The following ABCD3 variants were observed in gnomAD, a reference collection of about 807,000 sequenced individuals.
ABCD3 encodes ATP binding cassette subfamily D member 3, also known as ATP-binding cassette sub-family D member 3.
A neutral mutation model predicts 105.5 loss-of-function variants in ABCD3; 41 were observed. That is an observed-to-expected ratio of 0.39 (90% CI 0.30 to 0.50). The LOEUF (loss-of-function observed/expected upper bound fraction) is 0.50. ABCD3 is among the 20% of genes least tolerant of loss of function. The pLI, the probability that ABCD3 is intolerant of heterozygous loss-of-function variation, is 0.84. For synonymous variants in ABCD3, 258 were observed against 269.0 expected, an observed-to-expected ratio of 0.96 and a Z score of 0.40; for missense variants, 622 against 806.3, an observed-to-expected ratio of 0.77 and a Z score of 2.77.
intron 13 of ABCD3, among the ~76,000 whole-genome samples, chr1:94,488,900 C>T (rs995551590): frequency 5.9e-5 from 9 of 151,532 alleles, no homozygotes; most frequent in African/African-American, 2.2e-4. Context: ...TCCCTGCCCC[C>T]CTTTCTTTCT....
At chr1:94,502,568 C>T (rs537843127) in intron 20 of ABCD3, among the ~76,000 whole-genome samples, 15 of 150,590 alleles carry the variant, frequency 1.0e-4, no homozygotes, top group South Asian at 4.2e-4. Context: ...ACAATCTCAG[C>T]TTACCGTAAT....
chr1:94,487,742 ATTTGT>A lies in ABCD3; in HGVS notation c.1017_1021del (p.Leu340SerfsTer39). 6.2e-7 allele frequency: 1 copy of A among 1,614,048 alleles called. No individual in the cohort carries two copies. Among genetic ancestry groups the A allele is most frequent in the Non-Finnish European group, 8.5e-7 (1 of 1,179,960 alleles). On this transcript the variant is annotated frameshift_variant, in exon 12 of 23. Coordinates refer to ENST00000370214, the MANE Select transcript of ABCD3 (RefSeq NM_002858.4). LOFTEE classifies it high-confidence loss of function. ...CTAGTTGTCAGTCGCCCTTTCTTAG[ATTTGT>A]CTCATCCTCGACATCTCAAGAGTAC...
intron 20 of ABCD3, among the ~76,000 whole-genome samples, chr1:94,504,969 G>T (rs1650278289): frequency 6.6e-6 from 1 of 152,108 alleles, no homozygotes; most frequent in Non-Finnish European, 1.5e-5. Context: ...TGAAAGGGAA[G>T]AGGAAAAGGG....
chr1:94,494,972 G>A (rs184942283), intron 16 of ABCD3, among the ~76,000 whole-genome samples: 4 of 152,068 alleles, frequency 2.6e-5, no homozygotes, highest in African/African-American at 4.8e-5. Flanking sequence ...TCCTGGTTAC[G>A]CAGGCGGCTG....
At chr1:94,457,635 T>G (rs552069958) in intron 1 of ABCD3, among the ~76,000 whole-genome samples, 2 of 152,252 alleles carry the variant, frequency 1.3e-5, no homozygotes, top group Admixed American at 1.3e-4. Flanking sequence ...TGTCACAGAC[T>G]TCCTGGGGCA....
intron 16 of ABCD3, among the ~76,000 whole-genome samples, chr1:94,496,379 T>C (rs1054549820): frequency 1.3e-5 from 2 of 152,148 alleles, no homozygotes; most frequent in Non-Finnish European, 1.5e-5. Flanking sequence ...TTTAGCATAA[T>C]GTTTTCAAGG....
chr1:94,502,369 A>G (rs372337937), intron 20 of ABCD3, among the ~76,000 whole-genome samples: 106 of 152,296 alleles, frequency 7.0e-4, no homozygotes, highest in African/African-American at 2.1e-3. Context: ...TATTATTTCA[A>G]TTAAATGACA....
At chr1:94,485,409 A>G (rs1414738666) in intron 10 of ABCD3, among the ~76,000 whole-genome samples, 1 of 152,158 alleles carries the variant, frequency 6.6e-6, no homozygotes, top group Non-Finnish European at 1.5e-5. Context: ...GGTTAAAGAA[A>G]TTGTCATTTT....
intron 7 of ABCD3, among the ~76,000 whole-genome samples, chr1:94,476,002 A>G (rs1354955613): frequency 6.6e-6 from 1 of 152,198 alleles, no homozygotes; most frequent in African/African-American, 2.4e-5. Flanking sequence ...TTAAAACAAC[A>G]GAAATTTGAA....
rs192093701 is a variant in ABCD3 at position 94,459,356 on chromosome 1, T to G, written c.147+713T>G. On this transcript the variant is annotated intron_variant, in intron 2 of 22. Coordinates refer to ENST00000370214, the MANE Select transcript of ABCD3 (RefSeq NM_002858.4). ...TTTTTCAGTTCTGTATACATTCCTT[T>G]GGACCTATACTAGTTTCCTTAGGCA... 2.5e-3 allele frequency among the ~76,000 whole-genome samples: 374 copies of G among 152,268 alleles called. 1 individual carries two copies. Among genetic ancestry groups the G allele is most frequent in the African/African-American group, 8.8e-3 (364 of 41,560 alleles).
At chr1:94,494,970 A>C (rs12116452) in intron 16 of ABCD3, among the ~76,000 whole-genome samples, 36 of 152,298 alleles carry the variant, frequency 2.4e-4, no homozygotes, top group Admixed American at 3.9e-4. Flanking sequence ...GGTCCTGGTT[A>C]CGCAGGCGGC....
chr1:94,458,467 T>C (rs1647698163), intron 1 of ABCD3, 140 bp from the exon 2 acceptor site: 8 of 749,616 alleles, frequency 1.1e-5, no homozygotes, highest in Non-Finnish European at 2.3e-6. Context: ...CTATTATTAT[T>C]TAATATGTTC....
chr1:94,503,548 G>A (rs1650207013), intron 20 of ABCD3, among the ~76,000 whole-genome samples: 1 of 151,954 alleles, frequency 6.6e-6, no homozygotes, highest in African/African-American at 2.4e-5. Flanking sequence ...TCCTTCTCTT[G>A]TGGAAAGACA....
chr1:94,478,377 T>C, intron 8 of ABCD3, 62 bp downstream of exon 8: 2 of 1,326,400 alleles, frequency 1.5e-6, no homozygotes, highest in South Asian at 2.5e-5. Flanking sequence ...ATACATATTG[T>C]GAATAGCTTG....
At chr1:94,396,319 A>C in the ABCD3 span, among the ~76,000 whole-genome samples, 5 of 152,160 alleles carry the variant, frequency 3.3e-5, no homozygotes, top group Non-Finnish European at 7.3e-5. Context: ...CTATAAACAG[A>C]AGCTGTAATT....
At chr1:94,496,123 T>C (rs1009967397) in intron 16 of ABCD3, among the ~76,000 whole-genome samples, 1 of 152,232 alleles carries the variant, frequency 6.6e-6, no homozygotes, top group African/African-American at 2.4e-5. Flanking sequence ...TAACCATTTC[T>C]AAGTGTATAA....
chr1:94,480,351 G>T lies in ABCD3; in HGVS notation c.685-113G>T, dbSNP rs1039724552. The T allele has an allele frequency of 3.0e-6, 4 of 1,347,386 alleles. No homozygotes were observed. The South Asian group carries it at 4.9e-5, about 16-fold the overall frequency. 83.5% of individuals were successfully genotyped at this position (1,347,386 alleles called of 1,614,324 possible). ...CAAAGGGAAAAAATTACCCAGTAGG[G>T]CAATTTCTTTCAGTCATTGAGGTTA... On this transcript the variant is annotated intron_variant, in intron 8 of 22. Coordinates refer to ENST00000370214, the MANE Select transcript of ABCD3 (RefSeq NM_002858.4).
chr1:94,506,128 G>C (rs1402309595), intron 20 of ABCD3, among the ~76,000 whole-genome samples: 1 of 152,126 alleles, frequency 6.6e-6, no homozygotes, highest in African/African-American at 2.4e-5. Flanking sequence ...ATATTAATTG[G>C]TACCATTACT....
chr1:94,501,317 G>T (rs1426463347), intron 20 of ABCD3, among the ~76,000 whole-genome samples: 2 of 151,382 alleles, frequency 1.3e-5, no homozygotes, highest in Non-Finnish European at 2.9e-5. Context: ...TTTGGGAAAT[G>T]GGGAAAGCTC....
Sources: allele counts gnomAD v4.1 joint callset (sites outside exome capture counted in the v4.1 genomes callset), GRCh38; gene constraint gnomAD v4.1.1; transcripts MANE v1.5; gene names NCBI Gene and HGNC (gene_info 2026-07-23, HGNC 2026-07-21).